ATXN7L1: variants seen among roughly 807,000 people sequenced by gnomAD.
ATXN7L1 encodes the protein ataxin-7-like protein 1.
In ATXN7L1, 15 loss-of-function variants were observed where a neutral mutation model predicts 70.8. The observed-to-expected ratio is 0.21, with a 90% CI of 0.14 to 0.33. The LOEUF is 0.33. Ranked by LOEUF, ATXN7L1 falls within the 10% of genes least tolerant of loss-of-function variation. The pLI, the probability that ATXN7L1 is intolerant of heterozygous loss-of-function variation, is 1.00. For synonymous variants in ATXN7L1, 440 were observed against 445.1 expected, an observed-to-expected ratio of 0.99 and a Z score of 0.14; for missense variants, 975 against 1,097.1, an observed-to-expected ratio of 0.89 and a Z score of 1.57.
intron 3 of ATXN7L1, among the ~76,000 whole-genome samples, chr7:105,753,998 C>T (rs951409653): frequency 3.3e-5 from 5 of 152,176 alleles, no homozygotes; most frequent in Admixed American, 1.3e-4. Context: ...TAATCCTTCT[C>T]GGTCTCAGTT....
At position 105,614,899 on chromosome 7, in the gene ATXN7L1, A is replaced by G; in HGVS notation, c.1518-83T>C. On this transcript the variant is annotated intron_variant, in intron 9 of 11. Transcript: ENST00000419735. This position sits in a 1 kb window ranked among gnomAD's most constrained non-coding sequence, Gnocchi z 4.3. ...GGAGGCTCGATGACGTTTGAGGATC[A>G]GGGCTACAGAGGACACCCCGGCAGA... The G allele has an allele frequency of 6.2e-6, 9 of 1,441,734 alleles. No individual in the cohort carries two copies. The highest frequency in any genetic ancestry group is 8.3e-6 in the Non-Finnish European group (9 of 1,080,002). 89.3% of individuals were successfully genotyped at this position (1,441,734 alleles called of 1,614,324 possible). A position where few individuals can be genotyped will look rare whatever the true frequency, so the allele number is the denominator to read the frequency against.
intron 3 of ATXN7L1, among the ~76,000 whole-genome samples, chr7:105,747,639 C>T (rs768794035): frequency 2.6e-4 from 39 of 152,300 alleles, no homozygotes; most frequent in South Asian, 1.2e-3. Flanking sequence ...ATTCTGGAGG[C>T]CCAGACTTGC....
intron 4 of ATXN7L1, among the ~76,000 whole-genome samples, chr7:105,658,675 C>T (rs1400855961): frequency 1.3e-5 from 2 of 151,942 alleles, no homozygotes; most frequent in African/African-American, 2.4e-5. Context: ...AGATTACAGG[C>T]ATGCGCCACC....
intron 3 of ATXN7L1, among the ~76,000 whole-genome samples, chr7:105,755,378 C>G (rs1799685309): frequency 6.6e-6 from 1 of 152,164 alleles, no homozygotes; most frequent in African/African-American, 2.4e-5. Context: ...AAGCAAATCT[C>G]TGTGCTCTTT....
chr7:105,797,333 C>T (rs550431936), intron 2 of ATXN7L1, among the ~76,000 whole-genome samples: 69 of 152,192 alleles, frequency 4.5e-4, no homozygotes, highest in Admixed American at 1.5e-3. Context: ...TGTCCGCCCC[C>T]GGACCCCAAC....
At chr7:105,874,233 G>A (rs1818701136) in intron 2 of ATXN7L1, among the ~76,000 whole-genome samples, 1 of 151,962 alleles carries the variant, frequency 6.6e-6, no homozygotes, top group Non-Finnish European at 1.5e-5. Flanking sequence ...TGAGTTTTGT[G>A]TGTGATAGTC....
intron 2 of ATXN7L1, among the ~76,000 whole-genome samples, chr7:105,869,189 C>T (rs1036754849): frequency 2.0e-5 from 3 of 152,152 alleles, no homozygotes; most frequent in African/African-American, 7.2e-5. Flanking sequence ...CCCATCCTTC[C>T]ATCCCAAAAG....
At chr7:105,778,821 T>G (rs1050470473) in intron 3 of ATXN7L1, among the ~76,000 whole-genome samples, 1 of 152,218 alleles carries the variant, frequency 6.6e-6, no homozygotes, top group Admixed American at 6.5e-5. Flanking sequence ...TTTGCTTTCA[T>G]GTATTTAAAG....
At chr7:105,622,922 T>C (rs1795145340) in intron 8 of ATXN7L1, among the ~76,000 whole-genome samples, 1 of 152,148 alleles carries the variant, frequency 6.6e-6, no homozygotes, top group African/African-American at 2.4e-5. Flanking sequence ...ATTGCAGAGA[T>C]TGTCCCTCGG....
intron 3 of ATXN7L1, among the ~76,000 whole-genome samples, chr7:105,709,450 G>T (rs1226182459): frequency 6.6e-6 from 1 of 152,104 alleles, no homozygotes; most frequent in African/African-American, 2.4e-5. Context: ...AGTAAAGGAC[G>T]CACCTACAAG....
intron 2 of ATXN7L1, among the ~76,000 whole-genome samples, chr7:105,809,849 T>C (rs550932323): frequency 1.3e-5 from 2 of 152,140 alleles, no homozygotes; most frequent in South Asian, 4.2e-4. Flanking sequence ...TAGCTCACTG[T>C]AGCTTTGACC....
chr7:105,703,626 T>G (rs1317631250), intron 3 of ATXN7L1, among the ~76,000 whole-genome samples: 3 of 152,244 alleles, frequency 2.0e-5, no homozygotes, highest in Non-Finnish European at 4.4e-5. Context: ...GCCAAAACCC[T>G]GAGAGACACT....
At chr7:105,818,666 T>C (rs6953952) in intron 2 of ATXN7L1, among the ~76,000 whole-genome samples, 9,151 of 152,182 alleles carry the variant, frequency 0.06, 468 homozygotes, top group East Asian at 0.23. Context: ...CCCCAAAAGT[T>C]TGGGCACTAC....
intron 3 of ATXN7L1, among the ~76,000 whole-genome samples, chr7:105,667,156 C>T (rs1802732770): frequency 6.6e-6 from 1 of 152,220 alleles, no homozygotes; most frequent in Admixed American, 6.5e-5. Context: ...CTGGCTTTTA[C>T]AACCCCTGTG....
chr7:105,614,169 A>G lies in ATXN7L1; in HGVS notation c.2165T>C (p.Leu722Pro). ...AKLEPSGRTS[L>P]PGGPADIVRQ... ...CACTATGTCCGCGGGGCCGCCGGGC[A>G]GCGAGGTCCGTCCTGAGGGCTCCAG... Residue 722 changes from leucine to proline, a missense_variant, in exon 10 of 12, where the codon CTG (leucine) becomes CCG (proline). This residue lies in a region of ATXN7L1 where 635 missense variants were observed against 699.4 expected (regional missense o/e 0.91). Transcript: ENST00000419735. The surrounding 1 kb of genome is among the most constrained non-coding windows in gnomAD (Gnocchi z 4.3). 5.8e-6 allele frequency: 9 copies of G among 1,551,708 alleles called. No homozygotes were observed. The highest frequency in any genetic ancestry group is 7.8e-6 in the Non-Finnish European group (9 of 1,147,000).
At chr7:105,636,614 T>C (rs1797425215) in intron 7 of ATXN7L1, among the ~76,000 whole-genome samples, 1 of 152,150 alleles carries the variant, frequency 6.6e-6, no homozygotes. Flanking sequence ...TCCTTCAGGC[T>C]CCACTGTTTT....
Position 105,761,270 on chromosome 7 carries a change from A to C in ATXN7L1, c.355+27334T>G, listed in dbSNP as rs568181991. 120 of 1,547,218 alleles carry C rather than the reference A, an allele frequency of 7.8e-5. No individual in the cohort carries two copies. In the African/African-American group the frequency reaches 1.4e-3, roughly 18 times the overall value. On this transcript the variant is annotated intron_variant, in intron 3 of 11. Coordinates refer to ENST00000419735, the MANE Select transcript of ATXN7L1 (RefSeq NM_020725.2). ...ATTTGCAGTGAATGGAAGCTTGTCC[A>C]CACTTCAGGGCTCTGCTGGAGTCTC...
At chr7:105,680,074 TAAAAAAA>T (rs35358930) in intron 3 of ATXN7L1, among the ~76,000 whole-genome samples, 2 of 133,406 alleles carry the variant, frequency 1.5e-5, no homozygotes, top group Non-Finnish European at 3.3e-5. Context: ...TGCCTTTTAG[TAAAAAAA>T]AAAAAAAAAA....
At chr7:105,874,164 A>G (rs533888017) in intron 2 of ATXN7L1, among the ~76,000 whole-genome samples, 4 of 152,196 alleles carry the variant, frequency 2.6e-5, no homozygotes, top group African/African-American at 9.6e-5. Flanking sequence ...TCATGAGGCA[A>G]AGAGAATCTG....
Sources: allele counts gnomAD v4.1 joint callset (sites outside exome capture counted in the v4.1 genomes callset), GRCh38; gene constraint gnomAD v4.1.1; regional missense constraint gnomAD v4.1.1; non-coding constraint Gnocchi (gnomAD v3.1); transcripts MANE v1.5; gene names NCBI Gene and HGNC (gene_info 2026-07-23, HGNC 2026-07-21).